The following MAP3K7CL variants were observed in gnomAD, a reference collection of about 807,000 sequenced individuals.
The protein encoded by MAP3K7CL is MAP3K7 C-terminal like.
In MAP3K7CL, 16 loss-of-function variants were observed where a neutral mutation model predicts 18.6. The ratio of observed to expected loss-of-function variants is 0.86; its 90% CI spans 0.58 to 1.31. MAP3K7CL has a LOEUF of 1.31. MAP3K7CL is among the 50% of genes most tolerant of loss of function. The probability of loss-of-function intolerance (pLI) is 0.00; values close to 1 mark genes in which losing one functional copy is unlikely to be tolerated. For missense variants in MAP3K7CL, 163 were observed against 174.4 expected (o/e 0.93, Z 0.37); for synonymous variants, 65 against 66.8 (o/e 0.97, Z 0.13).
At chr21:29,118,122 G>A (rs1422762640) in intron 4 of MAP3K7CL, among the ~76,000 whole-genome samples, 2 of 137,378 alleles carry the variant, frequency 1.5e-5, no homozygotes, top group Non-Finnish European at 3.1e-5. Flanking sequence ...CTCTTGCACT[G>A]TTGCCCAGGC....
chr21:29,149,253 A>G lies in MAP3K7CL; in HGVS notation c.132+3A>G. On this transcript the variant is annotated splice_donor_region_variant and intron_variant, in intron 3 of 4. Coordinates refer to ENST00000399928, the MANE Select transcript of MAP3K7CL (RefSeq NM_001286620.2). ...CAGAATTAGACCAGCAGCTACAGGTAAGGATTTTTCTAAAGTCTCTCTTCT... is the reference window on the plus strand; with the variant it reads ...CAGAATTAGACCAGCAGCTACAGGTGAGGATTTTTCTAAAGTCTCTCTTCT... 6.2e-7 allele frequency: 1 copy of G among 1,613,338 alleles called. No individual in the cohort carries two copies. The highest frequency in any genetic ancestry group is 8.5e-7 in the Non-Finnish European group (1 of 1,179,242).
chr21:29,133,341 C>T lies in MAP3K7CL; in HGVS notation c.-4C>T. 2 of 1,550,426 alleles carry T rather than the reference C, an allele frequency of 1.3e-6. No homozygotes were observed. Among genetic ancestry groups the T allele is most frequent in the Non-Finnish European group, 1.7e-6 (2 of 1,146,902 alleles). ...CAGGAGAAGGCGGAGGCTCAGGTGC[C>T]CACATGATCAGCACAGCCAGGGTAC... On this transcript the variant is annotated 5_prime_UTR_variant, in exon 2 of 5. Coordinates refer to ENST00000399928, the MANE Select transcript of MAP3K7CL (RefSeq NM_001286620.2).
At chr21:29,121,775 G>A (rs768031907) in intron 4 of MAP3K7CL, among the ~76,000 whole-genome samples, 5 of 151,430 alleles carry the variant, frequency 3.3e-5, no homozygotes, top group Non-Finnish European at 7.4e-5. Context: ...GCTACATCTC[G>A]TAGGCCTTCT....
rs1460209998 is a variant in MAP3K7CL, at chr21:29,160,058, T to TAAGTAC, written c.248+3_248+8dup. On this transcript the variant is annotated splice_region_variant and intron_variant, in intron 4 of 4. Coordinates refer to ENST00000399928, the MANE Select transcript of MAP3K7CL (RefSeq NM_001286620.2). ...AATCACCCTGCTTGAGCAAAGGAAGTAAGTACCTACCCCCCTCACTCTACA... is the reference window on the plus strand; with the variant it reads ...AATCACCCTGCTTGAGCAAAGGAAGTAAGTACAAGTACCTACCCCCCTCACTCTACA... The TAAGTAC allele has an allele frequency of 1.9e-6, 3 of 1,609,540 alleles. No individual in the cohort carries two copies. The Admixed American group carries it at 5.0e-5, about 27-fold the overall frequency.
intron 4 of MAP3K7CL, among the ~76,000 whole-genome samples, chr21:29,172,241 C>CTTTTTTTT (rs35612617): frequency 4.1e-4 from 52 of 126,272 alleles, no homozygotes; most frequent in East Asian, 1.6e-3. Flanking sequence ...TTGTCATTTT[C>CTTTTTTTT]TTTTTTTTTT....
chr21:29,109,169 C>G, intron 4 of MAP3K7CL: 2 of 1,535,380 alleles, frequency 1.3e-6, no homozygotes, highest in South Asian at 2.4e-5. Context: ...CCCTTTCCAC[C>G]AGTGCGGACT....
At chr21:29,110,239 C>T (rs2086395903) in intron 4 of MAP3K7CL, among the ~76,000 whole-genome samples, 1 of 152,092 alleles carries the variant, frequency 6.6e-6, no homozygotes, top group Non-Finnish European at 1.5e-5. Context: ...ATTTCTTTGC[C>T]ACCATATCCC....
At chr21:29,124,890 A>G (rs911738593) in intron 4 of MAP3K7CL, among the ~76,000 whole-genome samples, 1 of 152,318 alleles carries the variant, frequency 6.6e-6, no homozygotes, top group South Asian at 2.1e-4. Flanking sequence ...AACAGCAGAG[A>G]TGAGTAATTG....
intron 4 of MAP3K7CL, among the ~76,000 whole-genome samples, chr21:29,163,404 T>C (rs1248915417): frequency 6.6e-6 from 1 of 152,234 alleles, no homozygotes; most frequent in Non-Finnish European, 1.5e-5. Context: ...TTCTTCATTC[T>C]CACTTCTACC....
At chr21:29,142,131 C>A (rs1601232217) in intron 2 of MAP3K7CL, among the ~76,000 whole-genome samples, 1 of 151,930 alleles carries the variant, frequency 6.6e-6, no homozygotes, top group East Asian at 1.9e-4. Flanking sequence ...GTAGCATGAT[C>A]TCTGCTCACT....
intron 4 of MAP3K7CL, chr21:29,108,987 G>T: frequency 7.0e-7 from 1 of 1,424,786 alleles, no homozygotes; most frequent in Non-Finnish European, 9.4e-7. Flanking sequence ...TGAATTCAAT[G>T]TCGGCTGGAC....
intron 4 of MAP3K7CL, among the ~76,000 whole-genome samples, chr21:29,161,423 T>TA (rs2087546706): frequency 6.6e-6 from 1 of 152,190 alleles, no homozygotes; most frequent in Non-Finnish European, 1.5e-5. Context: ...GTGCTGGTAT[T>TA]ACAGAGTCAA....
At chr21:29,147,645 G>A (rs1483764048) in intron 2 of MAP3K7CL, among the ~76,000 whole-genome samples, 1 of 151,338 alleles carries the variant, frequency 6.6e-6, no homozygotes, top group South Asian at 2.1e-4. Context: ...TGTACTGTAT[G>A]TGTGTACTGT....
chr21:29,124,128 G>A (rs1174977376), intron 4 of MAP3K7CL, among the ~76,000 whole-genome samples: 1 of 152,088 alleles, frequency 6.6e-6, no homozygotes, highest in Non-Finnish European at 1.5e-5. Context: ...GCTGAGGCTG[G>A]TGGATCATGA....
At chr21:29,163,128 AT>A (rs1333367697) in intron 4 of MAP3K7CL, among the ~76,000 whole-genome samples, 1 of 152,180 alleles carries the variant, frequency 6.6e-6, no homozygotes, top group Non-Finnish European at 1.5e-5. Context: ...AAAATAAAAA[AT>A]AAAAAAAGGA....
At chr21:29,163,694 T>C (rs1032135217) in intron 4 of MAP3K7CL, among the ~76,000 whole-genome samples, 2 of 70,114 alleles carry the variant, frequency 2.9e-5, no homozygotes, top group East Asian at 4.6e-4. Context: ...CCTTTCTTCC[T>C]TTTTTTTTTT....
At chr21:29,081,479 G>A (rs1165057348), upstream of MAP3K7CL, among the ~76,000 whole-genome samples, 1 of 152,254 alleles carries the variant, frequency 6.6e-6, no homozygotes, top group Non-Finnish European at 1.5e-5. Flanking sequence ...CATGAGCCTG[G>A]GAGGCGGAGT....
At chr21:29,150,931 G>A (rs1441754331) in intron 3 of MAP3K7CL, among the ~76,000 whole-genome samples, 16 of 151,592 alleles carry the variant, frequency 1.1e-4, no homozygotes, top group African/African-American at 2.2e-4. Context: ...CACCACGCCC[G>A]GATAATTTTT....
At chr21:29,129,539 G>A (rs976011954), upstream of MAP3K7CL, among the ~76,000 whole-genome samples, 1 of 152,142 alleles carries the variant, frequency 6.6e-6, no homozygotes, top group Non-Finnish European at 1.5e-5. Flanking sequence ...ATCCCTGAAT[G>A]ATATTCCATT....
Sources: allele counts gnomAD v4.1 joint callset (sites outside exome capture counted in the v4.1 genomes callset), GRCh38; gene constraint gnomAD v4.1.1; transcripts MANE v1.5; gene names NCBI Gene and HGNC (gene_info 2026-07-23, HGNC 2026-07-21).